Variants in RNF217 observed in about 807,000 individuals in gnomAD.
RNF217 encodes the protein E3 ubiquitin-protein ligase RNF217.
RNF217 carries 31 observed loss-of-function variants against 57.8 expected under a neutral mutation model. The observed-to-expected ratio is 0.54, with a 90% CI of 0.40 to 0.72. The LOEUF is 0.72. Among genes scored for constraint, RNF217 ranks in the 30% least tolerant of loss-of-function variants. The probability of loss-of-function intolerance (pLI) is 0.00; values close to 1 mark genes in which losing one functional copy is unlikely to be tolerated. For synonymous variants in RNF217, 313 were observed against 294.0 expected (o/e 1.06, Z -0.66); for missense variants, 696 against 708.3 (o/e 0.98, Z 0.20).
In RNF217 at chr6:125,009,498, A is replaced by G. The variant is rs912845693; in HGVS notation, c.883-35713A>G. 1.5e-5 allele frequency: 7 copies of G among 468,304 alleles called. No individual in the cohort carries two copies. In the Admixed American group the frequency reaches 2.6e-4, roughly 18 times the overall value. 29.0% of individuals were successfully genotyped at this position (468,304 alleles called of 1,614,324 possible). A position where few individuals can be genotyped will look rare whatever the true frequency, so the allele number is the denominator to read the frequency against. On this transcript the variant is annotated intron_variant, in intron 1 of 5. Coordinates refer to ENST00000521654, the MANE Select transcript of RNF217 (RefSeq NM_001286398.3). The stretch of plus-strand genomic sequence containing the variant: ...GAAAAAAAAAAGAAAAACAGAGACT[A>G]TTTACCATGAAGAGCTATATCAATG...
intron 1 of RNF217, among the ~76,000 whole-genome samples, chr6:124,979,852 A>G (rs1234761049): frequency 6.6e-6 from 1 of 152,208 alleles, no homozygotes; most frequent in East Asian, 1.9e-4. Context: ...TTAGGAGGCA[A>G]TTGCAGTAGT....
chr6:125,036,711 A>G (rs1443844508), intron 1 of RNF217, among the ~76,000 whole-genome samples: 1 of 152,100 alleles, frequency 6.6e-6, no homozygotes, highest in Non-Finnish European at 1.5e-5. Flanking sequence ...AAGGATATGA[A>G]CAGACACTTC....
intron 1 of RNF217, among the ~76,000 whole-genome samples, chr6:125,037,977 G>A (rs936282646): frequency 3.3e-5 from 5 of 151,942 alleles, no homozygotes; most frequent in African/African-American, 9.7e-5. Context: ...ACTTTTTCCC[G>A]TCCTTTTCTT....
chr6:124,990,783 A>G (rs994703876), intron 1 of RNF217, among the ~76,000 whole-genome samples: 2 of 152,114 alleles, frequency 1.3e-5, no homozygotes, highest in African/African-American at 4.8e-5. Context: ...AGTGAAGCCA[A>G]ATTGGGCATG....
chr6:124,985,429 T>G (rs1784336155), intron 1 of RNF217, among the ~76,000 whole-genome samples: 1 of 152,242 alleles, frequency 6.6e-6, no homozygotes, highest in African/African-American at 2.4e-5. Context: ...CAAGCATTTA[T>G]TCTTTGTGTT....
At chr6:125,046,509 C>A (rs899884043) in intron 2 of RNF217, 3 of 442,426 alleles carry the variant, frequency 6.8e-6, no homozygotes, top group Non-Finnish European at 1.4e-5. Context: ...AATTTTTGAG[C>A]CTCACCAGGT....
chr6:125,014,448 T>G (rs1422705029), intron 1 of RNF217, among the ~76,000 whole-genome samples: 1 of 152,192 alleles, frequency 6.6e-6, no homozygotes, highest in African/African-American at 2.4e-5. Flanking sequence ...TCTGCTTTCC[T>G]CTTATTTAAT....
Position 125,045,275 on chromosome 6 carries a change from C to A in RNF217, c.947C>A (p.Thr316Lys). 6.2e-7 allele frequency: 1 copy of A among 1,613,194 alleles called. No individual in the cohort carries two copies. Among genetic ancestry groups the A allele is most frequent in the East Asian group, 2.2e-5 (1 of 44,808 alleles). The stretch of plus-strand genomic sequence containing the variant: ...GAGTGTTTTGAATTCTTGGAAGAAA[C>A]AACTGTTGTCTATAACTTAACGCAT... Reference protein sequence around the residue: ...ITECFEFLEETTVVYNLTHED... With the variant: ...ITECFEFLEEKTVVYNLTHED... The change falls in exon 2 of 6, where the codon ACA becomes AAA. Residue 316 changes from threonine to lysine, a missense_variant. Thr to Lys is a moderately conservative substitution (Grantham distance 78). Coordinates refer to ENST00000521654, the MANE Select transcript of RNF217 (RefSeq NM_001286398.3).
At chr6:124,996,707 T>C (rs1784767173) in intron 1 of RNF217, 1 of 152,182 alleles carries the variant, frequency 6.6e-6, no homozygotes, top group Non-Finnish European at 1.5e-5. Context: ...GATGCAAAAG[T>C]AAATGATTAC....
At chr6:125,047,917 A>AC (rs900885140) in intron 2 of RNF217, among the ~76,000 whole-genome samples, 1 of 152,090 alleles carries the variant, frequency 6.6e-6, no homozygotes. Flanking sequence ...GAGGATGATT[A>AC]TTTTTGTTAC....
intron 1 of RNF217, chr6:125,009,324 A>T: frequency 7.3e-7 from 1 of 1,362,004 alleles, no homozygotes; most frequent in South Asian, 1.2e-5. Flanking sequence ...TTTGTGCTGC[A>T]GGAGCCCTTG....
chr6:125,082,425 G>C (rs550256269), intron 5 of RNF217: 3 of 1,572,286 alleles, frequency 1.9e-6, no homozygotes, highest in Admixed American at 3.7e-5. Context: ...TTATGTAATA[G>C]ATATTATTAT....
intron 3 of RNF217, among the ~76,000 whole-genome samples, chr6:125,073,519 A>G (rs1788232135): frequency 6.6e-6 from 1 of 152,176 alleles, no homozygotes; most frequent in African/African-American, 2.4e-5. Context: ...CTGGTCTGTC[A>G]TGTAAAAGGA....
chr6:125,026,954 T>C (rs2114446611), intron 1 of RNF217, among the ~76,000 whole-genome samples: 1 of 152,246 alleles, frequency 6.6e-6, no homozygotes, highest in Admixed American at 6.5e-5. Context: ...GTTTATTATA[T>C]TTGTTGAATG....
intron 1 of RNF217, among the ~76,000 whole-genome samples, chr6:124,993,051 T>A (rs561629270): frequency 6.6e-6 from 1 of 152,320 alleles, no homozygotes; most frequent in African/African-American, 2.4e-5. Context: ...GGCAAATTTA[T>A]AGAGCATAAT....
intron 1 of RNF217, among the ~76,000 whole-genome samples, chr6:125,031,412 C>T (rs475133): frequency 0.037 from 5,638 of 152,258 alleles, 140 homozygotes; most frequent in South Asian, 0.08. Flanking sequence ...CAAACATTTA[C>T]GCTGTTTCCC....
chr6:124,977,712 A>G (rs948559535), intron 1 of RNF217, among the ~76,000 whole-genome samples: 1 of 152,176 alleles, frequency 6.6e-6, no homozygotes, highest in Non-Finnish European at 1.5e-5. Flanking sequence ...GCCATAAATT[A>G]CCCTTAACCG....
chr6:125,003,669 T>C (rs1297547593), intron 1 of RNF217, among the ~76,000 whole-genome samples: 1 of 152,168 alleles, frequency 6.6e-6, no homozygotes, highest in African/African-American at 2.4e-5. Context: ...TATATACCTA[T>C]ATTAAAATAT....
Position 124,962,966 on chromosome 6 carries a change from C to T in RNF217, c.422C>T (p.Ala141Val), listed in dbSNP as rs1418772298. The T allele has an allele frequency of 6.3e-7, 1 of 1,597,156 alleles. No individual in the cohort carries two copies. Among genetic ancestry groups the T allele is most frequent in the Non-Finnish European group, 8.5e-7 (1 of 1,179,344 alleles). The change falls in exon 1 of 6, where the codon GCC becomes GTC. Residue 141 changes from alanine (A) to valine (V), a missense_variant. This residue lies in a region of RNF217 where 465 missense variants were observed against 386.8 expected (regional missense o/e 1.20). Transcript: ENST00000521654. The surrounding 1 kb of genome is among the most constrained non-coding windows in gnomAD (Gnocchi z 4.6). ...EELEPRTRVG[A>V]ADGLVLDVLG... ...CTGGAGCCCAGGACCCGCGTGGGGG[C>T]CGCCGACGGACTGGTCCTGGACGTG...
Sources: allele counts gnomAD v4.1 joint callset (sites outside exome capture counted in the v4.1 genomes callset), GRCh38; gene constraint gnomAD v4.1.1; regional missense constraint gnomAD v4.1.1; non-coding constraint Gnocchi (gnomAD v3.1); transcripts MANE v1.5; gene names NCBI Gene and HGNC (gene_info 2026-07-23, HGNC 2026-07-21).